Variants in ZNF329 observed in about 807,000 individuals in gnomAD.
The protein encoded by ZNF329 is zinc finger protein 329.
Under a neutral mutation model 26.6 loss-of-function variants are expected in ZNF329, and 15 were observed. The ratio of observed to expected loss-of-function variants is 0.56; its 90% CI spans 0.38 to 0.87. The LOEUF (loss-of-function observed/expected upper bound fraction) is 0.87. Ranked by LOEUF, ZNF329 falls within the 40% of genes least tolerant of loss-of-function variation. The pLI is 0.00. For synonymous variants in ZNF329, 239 were observed against 233.5 expected (o/e 1.02, Z -0.21); for missense variants, 651 against 651.9 (o/e 1.00, Z 0.02).
intron 3 of ZNF329, among the ~76,000 whole-genome samples, chr19:58,133,371 A>T (rs2074991511): frequency 6.6e-6 from 1 of 152,182 alleles, no homozygotes; most frequent in Admixed American, 6.5e-5. Flanking sequence ...GGGTCACTTG[A>T]GCCCAAGAGT....
rs397794750 is a variant in ZNF329 at position 58,143,212 on chromosome 19, A to AC, written c.-207-15_-207-14insG. 6.6e-6 allele frequency: 1 copy of AC among 151,922 alleles called. No homozygotes were observed. The highest frequency in any genetic ancestry group is 1.5e-5 in the Non-Finnish European group (1 of 67,980). The allele number at this position is 151,922 out of a possible 1,614,324, so 9.4% of individuals were successfully genotyped here. A position where few individuals can be genotyped will look rare whatever the true frequency, so the allele number is the denominator to read the frequency against. On this transcript the variant is annotated splice_polypyrimidine_tract_variant and intron_variant, in intron 1 of 3. Coordinates refer to ENST00000598312, the MANE Select transcript of ZNF329 (RefSeq NM_024620.4). ...GACAGCAAGACCCTATCTCAAAAAA[A>AC]AGAAAACAAAAATTAACAAAAATTA...
At position 58,139,363 on chromosome 19, in the gene ZNF329, G is replaced by A. The variant is rs374762385; in HGVS notation, c.-9+3194C>T. Among the ~76,000 whole-genome samples the A allele has an allele frequency of 8.5e-5, 13 of 152,304 alleles. No individual in the cohort carries two copies. In the South Asian group the frequency reaches 2.7e-3, roughly 32 times the overall value. Reference sequence around the variant, plus strand: ...GAAATGGGCGAAGGATCTTGTCTTAGTCTGGGCTGCTACAACAAATAGACT... The same window carrying A: ...GAAATGGGCGAAGGATCTTGTCTTAATCTGGGCTGCTACAACAAATAGACT... On this transcript the variant is annotated intron_variant, in intron 3 of 3. Transcript: ENST00000598312.
chr19:58,146,750 G>A (rs1215948387), intron 1 of ZNF329, among the ~76,000 whole-genome samples: 5 of 152,002 alleles, frequency 3.3e-5, no homozygotes, highest in Admixed American at 2.0e-4. Context: ...ACGGGGTTTC[G>A]CTGTGTTGGC....
At chr19:58,151,271 C>A (rs1365419643), upstream of ZNF329, among the ~76,000 whole-genome samples, 2 of 152,116 alleles carry the variant, frequency 1.3e-5, no homozygotes, top group African/African-American at 4.8e-5. Flanking sequence ...TTCAGTGGTT[C>A]TCTTAAACTT....
In ZNF329 at chr19:58,127,948, A is replaced by G. The variant is rs763303814; in HGVS notation, c.1556T>C (p.Met519Thr). Residue 519 changes from methionine to threonine, a missense_variant, in exon 4 of 4, where the codon ATG becomes ACG. By Grantham distance (81) the Met-to-Thr change is moderately conservative. Coordinates refer to ENST00000598312, the MANE Select transcript of ZNF329 (RefSeq NM_024620.4). ...GPSRCPQCGK[M>T]FQKSSSLVRH... is the part of the protein sequence containing the mutation. ...AACAAGGGATGAGCTCTTTTGGAAC[A>G]TTTTTCCACACTGAGGACACCGGCT... 1.5e-5 allele frequency: 25 copies of G among 1,613,232 alleles called. No homozygotes were observed. Among genetic ancestry groups the G allele is most frequent in the Non-Finnish European group, 2.1e-5 (25 of 1,179,768 alleles).
chr19:58,147,573 C>T (rs1318592199), intron 1 of ZNF329, among the ~76,000 whole-genome samples: 1 of 142,978 alleles, frequency 7.0e-6, no homozygotes. Context: ...GCCCGGCCAG[C>T]CGCCCCGTCC....
intron 1 of ZNF329, among the ~76,000 whole-genome samples, chr19:58,148,222 C>G (rs2075369923): frequency 6.6e-6 from 1 of 151,108 alleles, no homozygotes; most frequent in Non-Finnish European, 1.5e-5. Context: ...TCACCACTCC[C>G]TAATCTCAAG....
At chr19:58,138,604 C>G (rs1437634154) in intron 3 of ZNF329, among the ~76,000 whole-genome samples, 1 of 152,216 alleles carries the variant, frequency 6.6e-6, no homozygotes, top group African/African-American at 2.4e-5. Context: ...TCTGGATAGA[C>G]TGGGGCCTGG....
chr19:58,147,984 CG>C (rs2075363872), intron 1 of ZNF329, among the ~76,000 whole-genome samples: 1 of 152,080 alleles, frequency 6.6e-6, no homozygotes, highest in East Asian at 1.9e-4. Flanking sequence ...ATTGAGAAAT[CG>C]GATGGTTGCC....
upstream of ZNF329, among the ~76,000 whole-genome samples, chr19:58,153,789 G>T (rs1400506241): frequency 6.6e-6 from 1 of 152,044 alleles, no homozygotes; most frequent in African/African-American, 2.4e-5. Flanking sequence ...GCCCACTGCA[G>T]CCTTGACCTC....
intron 2 of ZNF329, 40 bp downstream of exon 2, chr19:58,143,065 A>G (rs1600084274): frequency 2.0e-5 from 3 of 152,302 alleles, no homozygotes; most frequent in African/African-American, 7.2e-5. Context: ...AGCTTAGACA[A>G]TGTAGTGAAA....
At position 58,147,619 on chromosome 19, in the gene ZNF329, C is replaced by T. The variant is rs1375550452; in HGVS notation, c.-208+3133G>A. Among the ~76,000 whole-genome samples, 12 of 144,826 alleles carry T rather than the reference C, an allele frequency of 8.3e-5. 1 individual carries two copies. Among genetic ancestry groups the T allele is most frequent in the African/African-American group, 3.0e-4 (11 of 37,042 alleles). ...TGGGGGGGTCAGCCCTCCGCCTGGC[C>T]AGACGCCCCGTCCAGGAGGGAGGTG... On this transcript the variant is annotated intron_variant, in intron 1 of 3. Transcript: ENST00000598312.
At chr19:58,150,436 G>A (rs913873533) in intron 1 of ZNF329, among the ~76,000 whole-genome samples, 3 of 152,216 alleles carry the variant, frequency 2.0e-5, no homozygotes, top group African/African-American at 4.8e-5. Flanking sequence ...TCTATGGGAG[G>A]GCGGGCTAGA....
In ZNF329 at chr19:58,129,318, T is replaced by A. The variant is rs1362703460; in HGVS notation, c.186A>T (p.Ala62=). ...CCCCAAAACCAGGATATTCACAAATTGCTTCCTGAGTCCCTGGTTTCTCCA... is the reference window on the plus strand; with the variant it reads ...CCCCAAAACCAGGATATTCACAAATAGCTTCCTGAGTCCCTGGTTTCTCCA... ...LTLEKPGTQE[A]ICEYPGFGEH... is the part of the protein sequence containing the mutation. Residue 62 remains alanine, a synonymous_variant, in exon 4 of 4, where the codon GCA becomes GCT. Transcript: ENST00000598312. 1 of 1,614,232 alleles carries A rather than the reference T, an allele frequency of 6.2e-7. No individual in the cohort carries two copies. The highest frequency in any genetic ancestry group is 1.3e-5 in the African/African-American group (1 of 75,054).
chr19:58,129,545 A>G, intron 3 of ZNF329, 34 bp from the exon 4 acceptor site: 1 of 1,517,280 alleles, frequency 6.6e-7, no homozygotes, highest in Non-Finnish European at 8.9e-7. Flanking sequence ...ACTTAGGTAT[A>G]TGAAGCTTTA....
Position 58,142,291 on chromosome 19 carries a change from A to G in ZNF329, c.-9+266T>C, listed in dbSNP as rs80159041. ...TCAGGGGTGATGAAAACATTCGAAG[A>G]TTGACTGTGGCAATGGATATACAAG... On this transcript the variant is annotated intron_variant, in intron 3 of 3. Transcript: ENST00000598312. Among the ~76,000 whole-genome samples, 242 of 152,308 alleles carry G rather than the reference A, an allele frequency of 1.6e-3. 10 individuals carry two copies. In the East Asian group the frequency reaches 0.039, roughly 25 times the overall value.
At chr19:58,129,559 G>T (rs1424694976) in intron 3 of ZNF329, 48 bp from the exon 4 acceptor site, 1 of 1,472,112 alleles carries the variant, frequency 6.8e-7, no homozygotes. Flanking sequence ...AGCTTTATCT[G>T]TAAGAGAAAC....
rs1600035226 is a variant in ZNF329, at chr19:58,127,660, A to C, written c.*218T>G. 2 of 497,058 alleles carry C rather than the reference A, an allele frequency of 4.0e-6. No homozygotes were observed. Among genetic ancestry groups the C allele is most frequent in the East Asian group, 6.0e-5 (2 of 33,548 alleles). The allele number at this position is 497,058 out of a possible 1,614,324, so 30.8% of individuals were successfully genotyped here. On this transcript the variant is annotated 3_prime_UTR_variant, in exon 4 of 4. Coordinates refer to ENST00000598312, the MANE Select transcript of ZNF329 (RefSeq NM_024620.4). The stretch of plus-strand genomic sequence containing the variant: ...GTGTTGTCATGTCTGGTACAGACTG[A>C]ATCATCCCCAAAGACTTTTCTGCCC...
intron 1 of ZNF329, among the ~76,000 whole-genome samples, chr19:58,148,063 C>T (rs1445955439): frequency 6.6e-6 from 1 of 151,904 alleles, no homozygotes; most frequent in Non-Finnish European, 1.5e-5. Flanking sequence ...ATTCTTCTGC[C>T]TTGGGATCCT....
Sources: gnomAD v4.1 joint callset for allele counts (sites outside exome capture counted in the v4.1 genomes callset) on GRCh38, gnomAD v4.1.1 for gene constraint, MANE v1.5 for transcripts, NCBI Gene and HGNC (gene_info 2026-07-23, HGNC 2026-07-21) for gene names.